The following GPHN variants were observed in gnomAD, a reference collection of about 807,000 sequenced individuals.
GPHN encodes gephyrin.
In GPHN, 17 loss-of-function variants were observed where a neutral mutation model predicts 95.5. The observed-to-expected ratio is 0.18, with a 90% CI of 0.12 to 0.27. The LOEUF is 0.27. GPHN is among the 10% of genes least tolerant of loss of function. The probability of loss-of-function intolerance (pLI) is 1.00; values close to 1 mark genes in which losing one functional copy is unlikely to be tolerated. For missense variants in GPHN, 660 were observed against 978.1 expected (o/e 0.67, Z 4.34); for synonymous variants, 320 against 322.5 (o/e 0.99, Z 0.08).
At chr14:67,602,153 C>G in the GPHN span, among the ~76,000 whole-genome samples, 1 of 152,192 alleles carries the variant, frequency 6.6e-6, no homozygotes, top group Non-Finnish European at 1.5e-5. Flanking sequence ...ACTCACAGTT[C>G]CACATGGCTG....
chr14:67,143,431 T>C lies in GPHN; in HGVS notation c.1818T>C (p.Gly606=), dbSNP rs749271656. The change falls in exon 18 of 23, where the codon GGT becomes GGC. Residue 606 remains glycine, a synonymous_variant. Coordinates refer to ENST00000478722, the MANE Select transcript of GPHN (RefSeq NM_020806.5). Reference sequence around the variant, plus strand: ...CTGATGTCATCATCACATCAGGGGGTGTATCCATGGGGGAAAAGGTATGAA... The same window carrying C: ...CTGATGTCATCATCACATCAGGGGGCGTATCCATGGGGGAAAAGGTATGAA... The part of the protein sequence containing the change: ...SRADVIITSG[G]VSMGEKDYLK... The C allele has an allele frequency of 1.3e-6, 2 of 1,599,006 alleles. No homozygotes were observed. Among genetic ancestry groups the C allele is most frequent in the Admixed American group, 3.3e-5 (2 of 59,966 alleles).
chr14:66,677,738 A>G (rs2066691342), intron 1 of GPHN, among the ~76,000 whole-genome samples: 1 of 152,122 alleles, frequency 6.6e-6, no homozygotes, highest in South Asian at 2.1e-4. Flanking sequence ...TGCTGATGTC[A>G]AAAAATGGAT....
chr14:66,776,777 A>G (rs891598631), intron 3 of GPHN, among the ~76,000 whole-genome samples: 4 of 152,174 alleles, frequency 2.6e-5, no homozygotes, highest in South Asian at 2.1e-4. Context: ...TTAAAAATCT[A>G]CATAAGAAAA....
the GPHN span, chr14:67,586,163 G>A: frequency 1.9e-6 from 3 of 1,561,088 alleles, no homozygotes; most frequent in Non-Finnish European, 1.8e-6. Context: ...GCTTAGAAAG[G>A]AAACTGGGGT....
intron 8 of GPHN, among the ~76,000 whole-genome samples, chr14:66,955,775 G>T (rs971693722): frequency 6.6e-6 from 1 of 151,820 alleles, no homozygotes; most frequent in African/African-American, 2.4e-5. Flanking sequence ...TCATTGTTCA[G>T]TTCCCACCTA....
chr14:67,584,210 C>A, the GPHN span: 1 of 1,387,680 alleles, frequency 7.2e-7, no homozygotes, highest in Non-Finnish European at 1.0e-6. Flanking sequence ...GCAGCCCCTA[C>A]CTCCATACCA....
chr14:67,198,422 G>A, the GPHN span: 18 of 1,122,830 alleles, frequency 1.6e-5, no homozygotes, highest in Non-Finnish European at 2.2e-5. Context: ...ATGTGCCGAG[G>A]GAATGTGTGA....
intron 3 of GPHN, among the ~76,000 whole-genome samples, chr14:66,777,357 G>C (rs993397337): frequency 6.6e-5 from 10 of 152,278 alleles, no homozygotes; most frequent in Admixed American, 6.5e-4. Context: ...AAAGAGTCCA[G>C]GACCAGATGG....
At chr14:67,028,708 G>A (rs1265980621) in intron 10 of GPHN, among the ~76,000 whole-genome samples, 1 of 152,044 alleles carries the variant, frequency 6.6e-6, no homozygotes, top group Non-Finnish European at 1.5e-5. Flanking sequence ...CTTTTTAATG[G>A]AATTATTTGG....
chr14:66,808,881 G>A (rs536751146), intron 3 of GPHN, among the ~76,000 whole-genome samples: 2 of 152,270 alleles, frequency 1.3e-5, no homozygotes, highest in Non-Finnish European at 2.9e-5. Flanking sequence ...GAGTGTCAAG[G>A]AATTCTTCAT....
the GPHN span, among the ~76,000 whole-genome samples, chr14:67,450,336 A>C: frequency 6.6e-6 from 1 of 152,192 alleles, no homozygotes; most frequent in Non-Finnish European, 1.5e-5. Flanking sequence ...AGATACCCAA[A>C]AATGTGGAAG....
At chr14:66,557,237 G>A (rs59445743) in intron 1 of GPHN, among the ~76,000 whole-genome samples, 27,190 of 141,722 alleles carry the variant, frequency 0.19, 5,263 homozygotes, top group African/African-American at 0.51. Context: ...ACATAGGTAG[G>A]TAGATAGATA....
intron 3 of GPHN, among the ~76,000 whole-genome samples, chr14:66,795,916 C>T (rs1183962109): frequency 6.6e-6 from 1 of 152,014 alleles, no homozygotes; most frequent in Admixed American, 6.6e-5. Context: ...CTATCACATA[C>T]TAGGACTTAT....
At chr14:67,398,717 C>T in the GPHN span, among the ~76,000 whole-genome samples, 4 of 152,000 alleles carry the variant, frequency 2.6e-5, no homozygotes, top group East Asian at 3.9e-4. Context: ...CCACCACACC[C>T]GGCTAATTTT....
At chr14:66,593,441 C>T (rs2140709922) in intron 1 of GPHN, among the ~76,000 whole-genome samples, 1 of 152,176 alleles carries the variant, frequency 6.6e-6, no homozygotes, top group African/African-American at 2.4e-5. Flanking sequence ...GCATGTCTTA[C>T]ATGGCATCAG....
chr14:66,823,993 T>G (rs1260763365), intron 3 of GPHN, among the ~76,000 whole-genome samples: 2 of 152,164 alleles, frequency 1.3e-5, no homozygotes, highest in East Asian at 3.8e-4. Flanking sequence ...GAGATCCTAG[T>G]TTCACTTTGT....
chr14:67,240,909 AAAAC>A, the GPHN span, among the ~76,000 whole-genome samples: 1 of 152,280 alleles, frequency 6.6e-6, no homozygotes, highest in Non-Finnish European at 1.5e-5. Context: ...TTTTTTAAAA[AAAAC>A]AAATGTTAGA....
chr14:67,159,137 T>G lies in GPHN; in HGVS notation c.1837-278T>G, dbSNP rs112010849. Among the ~76,000 whole-genome samples, 92 of 152,314 alleles carry G rather than the reference T, an allele frequency of 6.0e-4. 3 individuals carry two copies. Among genetic ancestry groups the G allele is most frequent in the African/African-American group, 2.1e-3 (89 of 41,570 alleles). On this transcript the variant is annotated intron_variant, in intron 18 of 22. Coordinates refer to ENST00000478722, the MANE Select transcript of GPHN (RefSeq NM_020806.5). The stretch of plus-strand genomic sequence containing the variant: ...TAACTTCTCCTACTAGAATGTACTT[T>G]CTGTGAGGACAGGGATGTTGTCTCT...
intron 9 of GPHN, among the ~76,000 whole-genome samples, chr14:67,022,399 C>G (rs2073675405): frequency 6.6e-6 from 1 of 151,642 alleles, no homozygotes; most frequent in Non-Finnish European, 1.5e-5. Flanking sequence ...CCCATTTGGT[C>G]CAGAATTGTA....
Sources: allele counts gnomAD v4.1 joint callset (sites outside exome capture counted in the v4.1 genomes callset), GRCh38; gene constraint gnomAD v4.1.1; transcripts MANE v1.5; gene names NCBI Gene and HGNC (gene_info 2026-07-23, HGNC 2026-07-21).